CAP2: variants seen among roughly 807,000 people sequenced by gnomAD.
CAP2 encodes the protein cyclase associated actin cytoskeleton regulatory protein 2, also known as adenylyl cyclase-associated protein 2.
A neutral mutation model predicts 57.7 loss-of-function variants in CAP2; 24 were observed. That is an observed-to-expected ratio of 0.42 (90% CI 0.30 to 0.58). The LOEUF (loss-of-function observed/expected upper bound fraction) is 0.58. CAP2 is among the 20% of genes least tolerant of loss of function. The pLI, the probability that CAP2 is intolerant of heterozygous loss-of-function variation, is 0.22. For missense variants in CAP2, 501 were observed against 590.3 expected (o/e 0.85, Z 1.57); for synonymous variants, 194 against 207.2 (o/e 0.94, Z 0.55).
intron 3 of CAP2, among the ~76,000 whole-genome samples, chr6:17,446,318 T>A (rs572885919): frequency 5.9e-5 from 9 of 152,216 alleles, no homozygotes; most frequent in Non-Finnish European, 1.2e-4. Context: ...AATAGGGATT[T>A]CTATGTGTAT....
intron 4 of CAP2, among the ~76,000 whole-genome samples, chr6:17,501,845 T>C (rs573312506): frequency 2.6e-5 from 4 of 152,312 alleles, no homozygotes; most frequent in African/African-American, 4.8e-5. Context: ...CGCATCCAGC[T>C]AAGATAACCC....
chr6:17,519,226 C>G (rs1050381778), intron 7 of CAP2, among the ~76,000 whole-genome samples: 14 of 152,168 alleles, frequency 9.2e-5, no homozygotes, highest in Non-Finnish European at 1.8e-4. Flanking sequence ...CATCTCCTAA[C>G]CTCTGCCTCC....
At chr6:17,493,450 C>A in intron 4 of CAP2, 1 of 301,540 alleles carries the variant, frequency 3.3e-6, no homozygotes, top group Non-Finnish European at 6.9e-6. Context: ...CCGCCAACCA[C>A]AGACTGTACC....
chr6:17,499,346 C>G lies in CAP2; in HGVS notation c.301-7823C>G, dbSNP rs1761741464. ...CCCAGAAGGTGGACGTTGCAGTGAG[C>G]TGAGATCATGCCATTGCACTCCAGC... On this transcript the variant is annotated intron_variant, in intron 4 of 12. Transcript: ENST00000229922. 2.2e-5 allele frequency among the ~76,000 whole-genome samples: 3 copies of G among 135,530 alleles called. No individual in the cohort carries two copies. The South Asian group carries it at 7.1e-4, about 32-fold the overall frequency. The allele number at this position is 135,530 out of a possible 152,430, so 88.9% of individuals were successfully genotyped here.
At chr6:17,435,744 CA>C (rs1759864177) in intron 3 of CAP2, among the ~76,000 whole-genome samples, 1 of 70,278 alleles carries the variant, frequency 1.4e-5, no homozygotes, top group Non-Finnish European at 2.9e-5. Flanking sequence ...AAAAAAAAAA[CA>C]ATATATTCTA....
chr6:17,452,168 T>C (rs781400747), intron 3 of CAP2, among the ~76,000 whole-genome samples: 8 of 152,196 alleles, frequency 5.3e-5, no homozygotes, highest in Non-Finnish European at 1.0e-4. Context: ...AGATGAGATA[T>C]TAAAATGCCG....
intron 8 of CAP2, 119 bp downstream of exon 8, chr6:17,539,577 G>A (rs1762852160): frequency 1.3e-5 from 10 of 746,804 alleles, no homozygotes; most frequent in Middle Eastern, 2.9e-4. Flanking sequence ...CAGCATGCAG[G>A]GAGAGGGGGA....
chr6:17,519,015 A>G (rs1762331847), intron 7 of CAP2, among the ~76,000 whole-genome samples: 1 of 152,130 alleles, frequency 6.6e-6, no homozygotes, highest in African/African-American at 2.4e-5. Flanking sequence ...CACCGTGAAA[A>G]GTTTATGACG....
At chr6:17,401,759 T>G (rs1758822355) in intron 1 of CAP2, among the ~76,000 whole-genome samples, 1 of 152,190 alleles carries the variant, frequency 6.6e-6, no homozygotes, top group Admixed American at 6.5e-5. Flanking sequence ...CCATTTGAAT[T>G]TCTTCTCTGT....
At chr6:17,489,348 C>T (rs531580432) in intron 4 of CAP2, among the ~76,000 whole-genome samples, 3 of 152,226 alleles carry the variant, frequency 2.0e-5, no homozygotes, top group Non-Finnish European at 4.4e-5. Context: ...AGGAGAATTG[C>T]TTGAGCCTGG....
intron 7 of CAP2, among the ~76,000 whole-genome samples, chr6:17,526,814 G>A (rs1228627101): frequency 1.3e-5 from 2 of 151,648 alleles, no homozygotes; most frequent in South Asian, 2.1e-4. Context: ...AAAATTAGCC[G>A]GGCATGGTGG....
rs749106163 is a variant in CAP2, at chr6:17,426,635, T to C, written c.167T>C (p.Met56Thr). The change falls in exon 3 of 13, where the codon ATG (methionine) becomes ACG (threonine). Residue 56 changes from methionine to threonine, a missense_variant. Physicochemically the swap from Met to Thr is moderately conservative, Grantham distance 81. Transcript: ENST00000229922. ...GCCTTTGACAAGCTGATGGACAGTA[T>C]GGTGGCCGAGTTTTTAAAGAACAGT... is the stretch of plus-strand genomic sequence containing the variant. ...VEAFDKLMDSMVAEFLKNSRI... is the reference protein window; with the variant it reads ...VEAFDKLMDSTVAEFLKNSRI... The C allele has an allele frequency of 1.2e-6, 2 of 1,614,128 alleles. No individual in the cohort carries two copies. The highest frequency in any genetic ancestry group is 1.1e-5 in the South Asian group (1 of 91,082).
Position 17,393,753 on chromosome 6 carries a change from C to T in CAP2, c.-2+7C>T, listed in dbSNP as rs2113487403. ...CCCCAGGGCAGCGAAGCAGGTAATCCTGCAGCGGTCGGGGCCCGGCGAGGC... is the reference window on the plus strand; with the variant it reads ...CCCCAGGGCAGCGAAGCAGGTAATCTTGCAGCGGTCGGGGCCCGGCGAGGC... On this transcript the variant is annotated splice_region_variant and intron_variant, in intron 1 of 12. Transcript: ENST00000229922. The T allele has an allele frequency of 6.6e-6, 1 of 151,786 alleles. No homozygotes were observed. The highest frequency in any genetic ancestry group is 2.0e-4 in the East Asian group (1 of 5,112). 9.4% of individuals were successfully genotyped at this position (151,786 alleles called of 1,614,324 possible).
At chr6:17,431,090 G>A (rs187999012) in intron 3 of CAP2, among the ~76,000 whole-genome samples, 13 of 152,192 alleles carry the variant, frequency 8.5e-5, no homozygotes, top group African/African-American at 3.1e-4. Context: ...TAATAAGTGG[G>A]AGCTAAACAT....
At chr6:17,524,227 C>A (rs1762450269) in intron 7 of CAP2, among the ~76,000 whole-genome samples, 1 of 152,022 alleles carries the variant, frequency 6.6e-6, no homozygotes, top group Non-Finnish European at 1.5e-5. Flanking sequence ...TCATTTTAAT[C>A]TGTGCTATAT....
At chr6:17,511,236 A>AC (rs1762139075) in intron 6 of CAP2, among the ~76,000 whole-genome samples, 1 of 151,662 alleles carries the variant, frequency 6.6e-6, no homozygotes, top group South Asian at 2.1e-4. Flanking sequence ...CATACTCCAC[A>AC]CCATGCAACA....
At chr6:17,515,926 G>A (rs916861177) in intron 7 of CAP2, among the ~76,000 whole-genome samples, 3 of 152,074 alleles carry the variant, frequency 2.0e-5, no homozygotes, top group African/African-American at 7.2e-5. Flanking sequence ...ACTCCTTGTG[G>A]TATCCTGAAC....
chr6:17,506,701 T>C (rs1372866403), intron 4 of CAP2, among the ~76,000 whole-genome samples: 1 of 152,024 alleles, frequency 6.6e-6, no homozygotes, highest in African/African-American at 2.4e-5. Context: ...ACATGGATTA[T>C]GGCAACTGTG....
chr6:17,514,011 C>A (rs1762214506), intron 7 of CAP2, 57 bp downstream of exon 7: 1 of 1,017,484 alleles, frequency 9.8e-7, no homozygotes. Flanking sequence ...ATATATACAC[C>A]CTGTGGCCCA....
Sources: allele counts gnomAD v4.1 joint callset (sites outside exome capture counted in the v4.1 genomes callset), GRCh38; gene constraint gnomAD v4.1.1; transcripts MANE v1.5; gene names NCBI Gene and HGNC (gene_info 2026-07-23, HGNC 2026-07-21).